The following HECTD2 variants were observed in gnomAD, a reference collection of about 807,000 sequenced individuals.
The protein encoded by HECTD2 is HECT domain E3 ubiquitin protein ligase 2, also known as probable E3 ubiquitin-protein ligase HECTD2.
A neutral mutation model predicts 103.2 loss-of-function variants in HECTD2; 35 were observed. The ratio of observed to expected loss-of-function variants is 0.34; its 90% CI spans 0.26 to 0.45. The LOEUF (loss-of-function observed/expected upper bound fraction) is 0.45, where lower values mean the gene tolerates loss of function less well. Among genes scored for constraint, HECTD2 ranks in the 20% least tolerant of loss-of-function variants. The pLI, the probability that HECTD2 is intolerant of heterozygous loss-of-function variation, is 1.00. For synonymous variants in HECTD2, 281 were observed against 329.9 expected (o/e 0.85, Z 1.61); for missense variants, 596 against 937.4 (o/e 0.64, Z 4.76).
intron 20 of HECTD2, 39 bp downstream of exon 20, chr10:91,501,373 TTACTGCTAA>T: frequency 7.8e-7 from 1 of 1,289,882 alleles, no homozygotes; most frequent in Non-Finnish European, 1.1e-6. Context: ...AATCTAAAGG[TTACTGCTAA>T]TACTGCTAAT....
chr10:91,436,759 A>G (rs189758262), intron 2 of HECTD2, among the ~76,000 whole-genome samples: 18 of 152,092 alleles, frequency 1.2e-4, no homozygotes, highest in Admixed American at 3.9e-4. Context: ...CCCTTTAAGA[A>G]TTCTGCAGTA....
chr10:91,507,677 G>T (rs1392767762), intron 20 of HECTD2, among the ~76,000 whole-genome samples: 1 of 144,908 alleles, frequency 6.9e-6, no homozygotes, highest in Non-Finnish European at 1.5e-5. Flanking sequence ...AATCAATATC[G>T]TGAAAATGGC....
At chr10:91,502,867 A>G (rs1846960430) in intron 20 of HECTD2, among the ~76,000 whole-genome samples, 1 of 152,222 alleles carries the variant, frequency 6.6e-6, no homozygotes, top group Non-Finnish European at 1.5e-5. Flanking sequence ...TGGCTTCAAC[A>G]TGAATCTAGA....
intron 5 of HECTD2, among the ~76,000 whole-genome samples, chr10:91,468,438 A>G (rs935212770): frequency 2.0e-5 from 3 of 152,234 alleles, no homozygotes; most frequent in African/African-American, 7.2e-5. Flanking sequence ...AACTCCAGAA[A>G]CTGAACGAAT....
rs184959563 is a variant in HECTD2 at position 91,498,737 on chromosome 10, A to G, written c.1756-135A>G. 854 of 598,440 alleles carry G rather than the reference A, an allele frequency of 1.4e-3. 13 individuals carry two copies. In the East Asian group the frequency reaches 0.021, roughly 15 times the overall value. 37.1% of individuals were successfully genotyped at this position (598,440 alleles called of 1,614,324 possible). ...CCTCGTTCTTAATACAAATATTGCA[A>G]GAGCTTAGCCTTTTATAGTTTATGT... On this transcript the variant is annotated intron_variant, in intron 16 of 20. Coordinates refer to ENST00000298068, the MANE Select transcript of HECTD2 (RefSeq NM_182765.6).
At chr10:91,437,787 T>C (rs1165485103) in intron 2 of HECTD2, among the ~76,000 whole-genome samples, 2 of 152,010 alleles carry the variant, frequency 1.3e-5, no homozygotes, top group East Asian at 1.9e-4. Flanking sequence ...CAGGCCGTTA[T>C]CTAGGTCACA....
intron 5 of HECTD2, among the ~76,000 whole-genome samples, chr10:91,468,237 C>T (rs1351200059): frequency 6.6e-6 from 1 of 152,114 alleles, no homozygotes; most frequent in Admixed American, 6.5e-5. Context: ...GAGAACAAAG[C>T]CAGGGGCTCG....
chr10:91,430,281 G>A (rs1387334804), intron 2 of HECTD2, among the ~76,000 whole-genome samples: 6 of 152,132 alleles, frequency 3.9e-5, no homozygotes, highest in African/African-American at 1.4e-4. Flanking sequence ...CATTTGCTGA[G>A]GAGAGCTTTA....
intron 2 of HECTD2, among the ~76,000 whole-genome samples, chr10:91,458,021 G>T (rs1334434345): frequency 1.9e-5 from 2 of 106,146 alleles, no homozygotes; most frequent in African/African-American, 9.5e-5. Flanking sequence ...AATTGTCTAT[G>T]CAAAAAAAAA....
At chr10:91,438,723 A>G (rs1844249561) in intron 2 of HECTD2, among the ~76,000 whole-genome samples, 1 of 152,108 alleles carries the variant, frequency 6.6e-6, no homozygotes, top group South Asian at 2.1e-4. Context: ...GTTTCTCCAC[A>G]TCCTCTCCAG....
chr10:91,421,773 A>C (rs1452369270), intron 1 of HECTD2, among the ~76,000 whole-genome samples: 7 of 152,352 alleles, frequency 4.6e-5, no homozygotes, highest in Non-Finnish European at 8.8e-5. Flanking sequence ...TTCTTCAAAG[A>C]TGCCCTCTTC....
At chr10:91,410,056 G>A (rs1488178017), upstream of HECTD2, among the ~76,000 whole-genome samples, 2 of 152,112 alleles carry the variant, frequency 1.3e-5, no homozygotes, top group African/African-American at 4.8e-5. Flanking sequence ...GGGTCTCCTC[G>A]TCATCTCGGG....
intron 2 of HECTD2, among the ~76,000 whole-genome samples, chr10:91,460,082 C>T (rs1845278916): frequency 6.6e-6 from 1 of 152,030 alleles, no homozygotes; most frequent in Non-Finnish European, 1.5e-5. Context: ...AACATTGAGC[C>T]TCATTGAAAT....
chr10:91,468,165 G>A (rs1405736572), intron 5 of HECTD2, among the ~76,000 whole-genome samples: 1 of 152,142 alleles, frequency 6.6e-6, no homozygotes, highest in Non-Finnish European at 1.5e-5. Context: ...GAATGTTAGT[G>A]CCAGTGGACC....
intron 14 of HECTD2, 125 bp downstream of exon 14, chr10:91,493,633 C>CTA (rs1846557328): frequency 1.9e-6 from 1 of 525,272 alleles, no homozygotes; most frequent in African/African-American, 2.0e-5. Flanking sequence ...GTCAAATGTA[C>CTA]TATTAGATTT....
Position 91,491,250 on chromosome 10 carries a change from A to G in HECTD2, c.1242A>G (p.Ile414Met), listed in dbSNP as rs1273846809. 6.3e-7 allele frequency: 1 copy of G among 1,584,158 alleles called. No individual in the cohort carries two copies. The highest frequency in any genetic ancestry group is 8.6e-7 in the Non-Finnish European group (1 of 1,158,752). Reference sequence around the variant, plus strand: ...GAAGACAGAGACCTGATATGAATATATTATTTCTAAATATGAAAGTAAGAC... The same window carrying G: ...GAAGACAGAGACCTGATATGAATATGTTATTTCTAAATATGAAAGTAAGAC... ...VSRRQRPDMN[I>M]LFLNMKVRRT... Residue 414 changes from isoleucine (I) to methionine (M), a missense_variant, in exon 12 of 21, where the codon ATA becomes ATG. Physicochemically the swap from Ile to Met is conservative, Grantham distance 10. Transcript: ENST00000298068.
Position 91,487,492 on chromosome 10 carries a change from A to G in HECTD2, c.1095-190A>G. On this transcript the variant is annotated intron_variant, in intron 10 of 20. Coordinates refer to ENST00000298068, the MANE Select transcript of HECTD2 (RefSeq NM_182765.6). The surrounding 1 kb of genome is among the most constrained non-coding windows in gnomAD (Gnocchi z 4.1). ...CAGAGAATAAAGGCATTGCACATCT[A>G]GTAATGATACATTCTTCACATGGCT... The G allele has an allele frequency of 1.6e-6, 1 of 629,456 alleles. No individual in the cohort carries two copies. Among genetic ancestry groups the G allele is most frequent in the Non-Finnish European group, 2.9e-6 (1 of 341,554 alleles). 39.0% of individuals were successfully genotyped at this position (629,456 alleles called of 1,614,324 possible).
At chr10:91,439,652 A>G (rs1029839122) in intron 2 of HECTD2, among the ~76,000 whole-genome samples, 7 of 152,152 alleles carry the variant, frequency 4.6e-5, no homozygotes, top group Admixed American at 3.9e-4. Context: ...GATAGCATTG[A>G]ATCTATAAAT....
rs1159264577 is a variant in HECTD2, at chr10:91,514,041, A to G, written c.*1657A>G. ...TTTGTTTCATTTTGCTCTGTTTTAA[A>G]TCCATATGCAAATAAAACTGCTTCT... On this transcript the variant is annotated 3_prime_UTR_variant, in exon 21 of 21. Transcript: ENST00000298068. The G allele has an allele frequency of 6.6e-6, 1 of 152,664 alleles. No homozygotes were observed. Among genetic ancestry groups the G allele is most frequent in the Non-Finnish European group, 1.5e-5 (1 of 68,042 alleles). 9.5% of individuals were successfully genotyped at this position (152,664 alleles called of 1,614,324 possible). A position where few individuals can be genotyped will look rare whatever the true frequency, so the allele number is the denominator to read the frequency against.
Sources: gnomAD v4.1 joint callset for allele counts (sites outside exome capture counted in the v4.1 genomes callset) on GRCh38, gnomAD v4.1.1 for gene constraint, Gnocchi (gnomAD v3.1) non-coding constraint, MANE v1.5 for transcripts, NCBI Gene and HGNC (gene_info 2026-07-23, HGNC 2026-07-21) for gene names.